Variants in PARVB observed in about 807,000 individuals in gnomAD.
PARVB encodes the protein parvin beta.
A neutral mutation model predicts 47.0 loss-of-function variants in PARVB; 46 were observed. The ratio of observed to expected loss-of-function variants is 0.98; its 90% CI spans 0.77 to 1.25. The LOEUF (loss-of-function observed/expected upper bound fraction) is 1.25. Ranked by LOEUF, PARVB falls within the 50% of genes most tolerant of loss-of-function variation. The pLI is 0.00. For missense variants in PARVB, 473 were observed against 471.6 expected (o/e 1.00, Z -0.03); for synonymous variants, 196 against 196.3 (o/e 1.00, Z 0.01).
At chr22:44,132,107 GC>G (rs1293405550) in intron 5 of PARVB, among the ~76,000 whole-genome samples, 2 of 152,168 alleles carry the variant, frequency 1.3e-5, no homozygotes, top group East Asian at 1.9e-4. Flanking sequence ...CCTCGGTCCT[GC>G]CCACTCCTTC....
At chr22:44,110,319 G>A (rs2052667982) in intron 3 of PARVB, 1 of 152,094 alleles carries the variant, frequency 6.6e-6, no homozygotes, top group African/African-American at 2.4e-5. Flanking sequence ...ATGCTCCGAA[G>A]AAGACTAAGG....
In PARVB at chr22:44,039,396, C is replaced by A. The variant is rs185152814; in HGVS notation, c.112+14945C>A. Among the ~76,000 whole-genome samples, 9 of 152,216 alleles carry A rather than the reference C, an allele frequency of 5.9e-5. No individual in the cohort carries two copies. In the East Asian group the frequency reaches 1.7e-3, roughly 29 times the overall value. On this transcript the variant is annotated intron_variant, in intron 1 of 12. Transcript: ENST00000338758. Reference sequence around the variant, plus strand: ...CGAAACCTAAAAATATAAAAATTAGCTGGGCGTGGTGGTGCATGCCTGTAA... The same window carrying A: ...CGAAACCTAAAAATATAAAAATTAGATGGGCGTGGTGGTGCATGCCTGTAA...
At chr22:44,095,374 C>G (rs1038588822) in intron 2 of PARVB, among the ~76,000 whole-genome samples, 1 of 152,038 alleles carries the variant, frequency 6.6e-6, no homozygotes, top group Non-Finnish European at 1.5e-5. Context: ...CCGAGTGTGG[C>G]TAGCCTGTAA....
chr22:44,126,006 G>C (rs133906), intron 4 of PARVB, among the ~76,000 whole-genome samples: 108,958 of 151,914 alleles, frequency 0.72, 40,223 homozygotes, highest in African/African-American at 0.92. Context: ...ATGGGAAGCC[G>C]TTGGGAGTAG....
At chr22:44,034,554 C>T (rs2050885636) in intron 1 of PARVB, among the ~76,000 whole-genome samples, 1 of 151,996 alleles carries the variant, frequency 6.6e-6, no homozygotes, top group African/African-American at 2.4e-5. Context: ...CCACCATGCC[C>T]AGCTCTTGAG....
intron 1 of PARVB, among the ~76,000 whole-genome samples, chr22:44,051,209 CAAAG>C (rs2051202306): frequency 6.6e-6 from 1 of 152,222 alleles, no homozygotes; most frequent in East Asian, 1.9e-4. Flanking sequence ...GCCATGCCGT[CAAAG>C]ACTTGTGCTC....
At chr22:44,012,688 A>C (rs2050535073) in intron 2 of PARVB, among the ~76,000 whole-genome samples, 1 of 152,050 alleles carries the variant, frequency 6.6e-6, no homozygotes, top group Admixed American at 6.6e-5. Context: ...CACACTTCTA[A>C]CTCGCCTAAA....
At chr22:44,044,221 C>T (rs368484971) in intron 1 of PARVB, among the ~76,000 whole-genome samples, 5 of 146,598 alleles carry the variant, frequency 3.4e-5, no homozygotes, top group South Asian at 2.2e-4. Context: ...GATGGAGTCT[C>T]GCTCTGTTGT....
chr22:44,154,946 TGTGTGTGTGTGGTTTTTGTAGTCTGTGTG>T (rs869266325), intron 10 of PARVB, among the ~76,000 whole-genome samples: 1 of 145,660 alleles, frequency 6.9e-6, no homozygotes, highest in Non-Finnish European at 1.5e-5. Flanking sequence ...GTGATGTGTG[TGTGTGTGTGTGGTTTTTGTAGTCTGTGTG>T]GTGTGTGTGT....
chr22:44,086,702 A>C (rs1271323489), intron 1 of PARVB: 1 of 967,588 alleles, frequency 1.0e-6, no homozygotes, highest in Non-Finnish European at 1.2e-6. Flanking sequence ...CAAGATCTTC[A>C]CTGAAGTACA....
At chr22:44,078,791 C>T (rs539572307) in intron 1 of PARVB, among the ~76,000 whole-genome samples, 2 of 152,298 alleles carry the variant, frequency 1.3e-5, no homozygotes, top group African/African-American at 4.8e-5. Flanking sequence ...ATGGCGAGAT[C>T]TCAGCTCACT....
intron 2 of PARVB, among the ~76,000 whole-genome samples, chr22:44,000,949 A>G (rs1441554319): frequency 6.6e-6 from 1 of 152,224 alleles, no homozygotes; most frequent in Non-Finnish European, 1.5e-5. Context: ...TCATTATGCA[A>G]AACAGAAGAT....
chr22:44,090,474 G>A (rs555318152), intron 1 of PARVB, among the ~76,000 whole-genome samples: 1 of 152,314 alleles, frequency 6.6e-6, no homozygotes, highest in Admixed American at 6.5e-5. Context: ...GTTCAAGGGC[G>A]GTGTGGAAAT....
chr22:44,026,402 C>T (rs1204947354), intron 1 of PARVB: 5 of 973,648 alleles, frequency 5.1e-6, no homozygotes, highest in Non-Finnish European at 6.1e-6. Context: ...TGCCTCGGTT[C>T]TCAGGGTTGG....
chr22:44,018,957 C>G (rs2050614537), intron 2 of PARVB, among the ~76,000 whole-genome samples: 1 of 152,114 alleles, frequency 6.6e-6, no homozygotes, highest in Non-Finnish European at 1.5e-5. Context: ...CGCTCTTGTC[C>G]CCCAGGCTGG....
At chr22:44,024,979 A>T (rs9941915) in intron 1 of PARVB, among the ~76,000 whole-genome samples, 48,993 of 151,144 alleles carry the variant, frequency 0.32, 8,511 homozygotes, top group African/African-American at 0.46. Context: ...TTTTTTTTTT[A>T]AATTTTTTAC....
rs576864105 is a variant in PARVB, at chr22:44,054,770, C to T, written c.112+30319C>T. 6.0e-5 allele frequency among the ~76,000 whole-genome samples: 6 copies of T among 99,416 alleles called. No individual in the cohort carries two copies. The South Asian group carries it at 2.1e-3, about 36-fold the overall frequency. 65.2% of individuals were successfully genotyped at this position (99,416 alleles called of 152,430 possible). A position where few individuals can be genotyped will look rare whatever the true frequency, so the allele number is the denominator to read the frequency against. On this transcript the variant is annotated intron_variant, in intron 1 of 12. Transcript: ENST00000338758. ...TTGGGAAGTCGAGGTGGGCAGGTCA[C>T]CTGAGGTCAGGAGTCTTGAGACCAG...
chr22:44,037,602 G>A (rs2050944337), intron 1 of PARVB, among the ~76,000 whole-genome samples: 1 of 152,128 alleles, frequency 6.6e-6, no homozygotes, highest in Admixed American at 6.5e-5. Context: ...TTTGCAGATG[G>A]GCAAACACAG....
chr22:44,118,361 G>T (rs1356319270), intron 3 of PARVB, among the ~76,000 whole-genome samples: 1 of 152,230 alleles, frequency 6.6e-6, no homozygotes, highest in Non-Finnish European at 1.5e-5. Flanking sequence ...CAAATCCGTG[G>T]AGAGGGGAAG....
Sources: allele counts gnomAD v4.1 joint callset (sites outside exome capture counted in the v4.1 genomes callset), GRCh38; gene constraint gnomAD v4.1.1; transcripts MANE v1.5; gene names NCBI Gene and HGNC (gene_info 2026-07-23, HGNC 2026-07-21).